NPAS3: variants seen among roughly 807,000 people sequenced by gnomAD.
NPAS3 encodes the protein neuronal PAS domain protein 3.
NPAS3 carries 14 observed loss-of-function variants against 73.1 expected under a neutral mutation model. That is an observed-to-expected ratio of 0.19 (90% CI 0.13 to 0.30). The LOEUF is 0.30. Among genes scored for constraint, NPAS3 ranks in the 10% least tolerant of loss-of-function variants. The probability of loss-of-function intolerance (pLI) is 1.00; values close to 1 mark genes in which losing one functional copy is unlikely to be tolerated. For missense variants in NPAS3, 1,096 were observed against 1,250.0 expected, an observed-to-expected ratio of 0.88 and a Z score of 1.86; for synonymous variants, 620 against 541.5, an observed-to-expected ratio of 1.14 and a Z score of -2.01.
At chr14:33,133,827 G>C (rs1186808470) in intron 2 of NPAS3, among the ~76,000 whole-genome samples, 1 of 152,110 alleles carries the variant, frequency 6.6e-6, no homozygotes, top group African/African-American at 2.4e-5. Context: ...CCAAGGAAGG[G>C]GAGAAGCCAC....
chr14:32,995,452 C>A (rs1210951293), intron 1 of NPAS3, among the ~76,000 whole-genome samples: 1 of 152,200 alleles, frequency 6.6e-6, no homozygotes, highest in Non-Finnish European at 1.5e-5. Flanking sequence ...TCTTAACTGC[C>A]TTGTTCATTC....
intron 6 of NPAS3, among the ~76,000 whole-genome samples, chr14:33,676,777 T>TAA (rs2059780808): frequency 6.6e-6 from 1 of 152,224 alleles, no homozygotes; most frequent in African/African-American, 2.4e-5. Context: ...CGTGGAGAAT[T>TAA]AAAAGTATCA....
intron 2 of NPAS3, among the ~76,000 whole-genome samples, chr14:33,171,958 A>C (rs1316297359): frequency 6.6e-6 from 1 of 152,102 alleles, no homozygotes; most frequent in African/African-American, 2.4e-5. Context: ...TGTCTCATAG[A>C]ATAGGGAATC....
intron 1 of NPAS3, among the ~76,000 whole-genome samples, chr14:32,973,629 G>A (rs181361037): frequency 4.1e-4 from 62 of 149,474 alleles, no homozygotes; most frequent in African/African-American, 1.5e-3. Context: ...TCCCCTTCCC[G>A]AGTTCAAACA....
intron 4 of NPAS3, among the ~76,000 whole-genome samples, chr14:33,518,300 G>A (rs971729867): frequency 6.6e-5 from 10 of 152,092 alleles, no homozygotes; most frequent in African/African-American, 2.2e-4. Context: ...TGGTGGGGGT[G>A]GGAGAGATAG....
chr14:33,705,331 C>G (rs1279619304), intron 6 of NPAS3, among the ~76,000 whole-genome samples: 2 of 152,112 alleles, frequency 1.3e-5, no homozygotes, highest in Non-Finnish European at 2.9e-5. Flanking sequence ...CATTGGCTCC[C>G]TTTTCCCCCT....
At chr14:33,629,791 C>T (rs2058329295) in intron 5 of NPAS3, among the ~76,000 whole-genome samples, 1 of 151,700 alleles carries the variant, frequency 6.6e-6, no homozygotes, top group Non-Finnish European at 1.5e-5. Flanking sequence ...TAGCACTAGA[C>T]CTGAAAACCT....
At chr14:33,110,341 C>T (rs1257402761) in intron 2 of NPAS3, among the ~76,000 whole-genome samples, 2 of 152,028 alleles carry the variant, frequency 1.3e-5, no homozygotes, top group East Asian at 1.9e-4. Context: ...ACTCAAGTTC[C>T]ACAGTATTAA....
intron 2 of NPAS3, among the ~76,000 whole-genome samples, chr14:33,067,582 A>G (rs2138622027): frequency 6.6e-6 from 1 of 152,370 alleles, no homozygotes; most frequent in African/African-American, 2.4e-5. Flanking sequence ...AAGCACTCCC[A>G]TGAGCATTCC....
At chr14:33,711,885 GGCT>G (rs372848735) in intron 6 of NPAS3, among the ~76,000 whole-genome samples, 1 of 152,084 alleles carries the variant, frequency 6.6e-6, no homozygotes, top group African/African-American at 2.4e-5. Context: ...AGTTCTGCAC[GGCT>G]GCTTAGGGGA....
intron 5 of NPAS3, among the ~76,000 whole-genome samples, chr14:33,663,599 G>C (rs911245372): frequency 2.6e-5 from 4 of 152,090 alleles, no homozygotes; most frequent in Admixed American, 2.0e-4. Flanking sequence ...TCTATTGTTT[G>C]GAACAGTTTC....
chr14:33,782,067 C>G (rs923763067), intron 9 of NPAS3, among the ~76,000 whole-genome samples: 3 of 152,210 alleles, frequency 2.0e-5, no homozygotes, highest in Non-Finnish European at 2.9e-5. Context: ...CACTGGAACT[C>G]TAAAGCCTAG....
At chr14:33,014,700 T>C (rs2039332236) in intron 1 of NPAS3, among the ~76,000 whole-genome samples, 1 of 152,204 alleles carries the variant, frequency 6.6e-6, no homozygotes, top group Non-Finnish European at 1.5e-5. Context: ...ACTTCTTAGA[T>C]TATTTTTTGA....
At chr14:33,251,108 A>T (rs2048567575) in intron 3 of NPAS3, among the ~76,000 whole-genome samples, 1 of 152,108 alleles carries the variant, frequency 6.6e-6, no homozygotes, top group Admixed American at 6.6e-5. Context: ...CTCATTTTTC[A>T]TTGGAACAAG....
At chr14:33,799,872 A>C (rs1289267123) in exon 12 of NPAS3, 2 of 1,614,124 alleles carry the variant, frequency 1.2e-6, no homozygotes, top group Admixed American at 3.3e-5. Context: ...AGCTCCAGTA[A>C]CCCGGACAGC....
chr14:33,237,657 A>G (rs2048080064), intron 3 of NPAS3, among the ~76,000 whole-genome samples: 1 of 152,080 alleles, frequency 6.6e-6, no homozygotes. Flanking sequence ...TTCAGTCAAA[A>G]TGGAGGGTAG....
At chr14:33,510,582 G>A (rs916510627) in intron 4 of NPAS3, among the ~76,000 whole-genome samples, 5 of 151,690 alleles carry the variant, frequency 3.3e-5, no homozygotes, top group African/African-American at 1.2e-4. Flanking sequence ...TAATACATGG[G>A]TAAGGTGTTA....
Position 32,954,937 on chromosome 14 carries a change from G to C in NPAS3, c.50+15571G>C, listed in dbSNP as rs565592071. The stretch of plus-strand genomic sequence containing the variant: ...CTTGCTTAGCAAGTTGTAAACTGTA[G>C]TTCTATTTCCTGCATAATTTATACC... On this transcript the variant is annotated intron_variant, in intron 1 of 11. Transcript: ENST00000356141. 1.2e-3 allele frequency among the ~76,000 whole-genome samples: 178 copies of C among 152,238 alleles called. 2 individuals carry two copies. Among genetic ancestry groups the C allele is most frequent in the African/African-American group, 4.1e-3 (172 of 41,554 alleles).
At chr14:33,528,422 AT>A (rs2053898673) in intron 4 of NPAS3, among the ~76,000 whole-genome samples, 1 of 151,908 alleles carries the variant, frequency 6.6e-6, no homozygotes, top group African/African-American at 2.4e-5. Context: ...AAATATGGAA[AT>A]ATTAATAAAT....
Sources: allele counts gnomAD v4.1 joint callset (sites outside exome capture counted in the v4.1 genomes callset), GRCh38; gene constraint gnomAD v4.1.1; transcripts MANE v1.5; gene names NCBI Gene and HGNC (gene_info 2026-07-23, HGNC 2026-07-21).